The following DST variants were observed in gnomAD, a reference collection of about 807,000 sequenced individuals.
DST encodes bullous pemphigoid antigen.
A neutral mutation model predicts 875.2 loss-of-function variants in DST; 253 were observed. The observed-to-expected ratio is 0.29, with a 90% confidence interval of 0.26 to 0.32. The LOEUF is 0.32. Ranked by LOEUF, DST falls within the 10% of genes least tolerant of loss-of-function variation. DST has a pLI of 1.00. For synonymous variants in DST, 3,124 were observed against 3,197.1 expected, an observed-to-expected ratio of 0.98 and a Z score of 0.77; for missense variants, 8,287 against 9,111.6, an observed-to-expected ratio of 0.91 and a Z score of 3.68.
At chr6:56,822,527 G>T (rs551256858) in intron 4 of DST, among the ~76,000 whole-genome samples, 1 of 152,206 alleles carries the variant, frequency 6.6e-6, no homozygotes, top group African/African-American at 2.4e-5. Context: ...ATGTATATGT[G>T]TGTAAAGAAA....
chr6:56,813,391 A>T (rs1218897842), intron 4 of DST, among the ~76,000 whole-genome samples: 3 of 103,550 alleles, frequency 2.9e-5, no homozygotes, highest in Admixed American at 8.9e-5. Context: ...TAATAATAAT[A>T]AAAAAAAAAA....
Position 56,651,979 on chromosome 6 carries a change from A to G in DST, c.1215-735T>C, listed in dbSNP as rs137930261. Among the ~76,000 whole-genome samples, 50 of 152,342 alleles carry G rather than the reference A, an allele frequency of 3.3e-4. No individual in the cohort carries two copies. In the East Asian group the frequency reaches 9.4e-3, roughly 29 times the overall value. On this transcript the variant is annotated intron_variant, in intron 10 of 103. Transcript: ENST00000680361. ...TGTAATAAAGAATGATATATAGTAC[A>G]CCCTCAACAAATATCTACTGATAAG...
At chr6:56,583,633 G>A (rs1468377557) in intron 49 of DST, among the ~76,000 whole-genome samples, 6 of 152,274 alleles carry the variant, frequency 3.9e-5, no homozygotes, top group Non-Finnish European at 8.8e-5. Flanking sequence ...GGCTTTTGTT[G>A]CCATTGCTTT....
intron 22 of DST, among the ~76,000 whole-genome samples, chr6:56,637,413 T>C (rs896231227): frequency 2.0e-5 from 3 of 152,190 alleles, no homozygotes; most frequent in Non-Finnish European, 4.4e-5. Context: ...ATGTTTTCTT[T>C]CGTGGCACAT....
At chr6:56,807,253 T>C (rs766466448) in intron 4 of DST, among the ~76,000 whole-genome samples, 5 of 152,192 alleles carry the variant, frequency 3.3e-5, no homozygotes, top group Non-Finnish European at 7.3e-5. Context: ...CTTGAACTCC[T>C]GGGCTCAAGC....
At chr6:56,581,543 G>A (rs1428861183) in intron 49 of DST, among the ~76,000 whole-genome samples, 2 of 152,124 alleles carry the variant, frequency 1.3e-5, no homozygotes, top group Non-Finnish European at 2.9e-5. Context: ...ACAATGGGAA[G>A]GAGGAAAAAA....
At chr6:56,741,460 T>C (rs1183097129) in intron 4 of DST, among the ~76,000 whole-genome samples, 1 of 152,174 alleles carries the variant, frequency 6.6e-6, no homozygotes, top group Admixed American at 6.5e-5. Context: ...TACCAAAATA[T>C]GCTCTTTAAC....
intron 61 of DST, among the ~76,000 whole-genome samples, chr6:56,549,078 A>G (rs575762289): frequency 8.5e-5 from 13 of 152,340 alleles, no homozygotes; most frequent in African/African-American, 3.1e-4. Flanking sequence ...GAACTATAGA[A>G]AGAAAAACAG....
Position 56,526,355 on chromosome 6 carries a change from C to T in DST, c.18129+6G>A. 6.2e-7 allele frequency: 1 copy of T among 1,612,694 alleles called. No individual in the cohort carries two copies. ...ATTGCCTAAACAACAAACCATTTTTCCCTACCTGCTGTGATCGCAGAATGG... is the reference window on the plus strand; with the variant it reads ...ATTGCCTAAACAACAAACCATTTTTTCCTACCTGCTGTGATCGCAGAATGG... On this transcript the variant is annotated splice_donor_region_variant and intron_variant, in intron 69 of 103. Coordinates refer to ENST00000680361, the MANE Select transcript of DST (RefSeq NM_001374736.1).
intron 101 of DST, 69 bp downstream of exon 101, chr6:56,463,496 G>T: frequency 7.3e-7 from 1 of 1,373,492 alleles, no homozygotes; most frequent in South Asian, 1.4e-5. Context: ...GCCCTAAATA[G>T]AACATTCAAA....
chr6:56,486,387 AGGATTTTTTCAAAACTAACATGAC>A lies in DST; in HGVS notation c.21047+693_21047+716del, dbSNP rs1336358164. 2.9e-3 allele frequency among the ~76,000 whole-genome samples: 424 copies of A among 148,334 alleles called. 18 individuals carry two copies. The highest frequency in any genetic ancestry group is 5.0e-3 in the Non-Finnish European group (335 of 66,886). ...CAAAAAAAAAAAAAAAAAAAAAAAA[AGGATTTTTTCAAAACTAACATGAC>A]AAAAACTTACTGTGAGTTCCCCAGA... On this transcript the variant is annotated intron_variant, in intron 87 of 103. Transcript: ENST00000680361.
Position 56,476,301 on chromosome 6 carries a change from C to T in DST, c.21712G>A (p.Ala7238Thr). Reference protein sequence around the residue: ...AWAKQHQQRLASALAGLIAKQ... With the variant: ...AWAKQHQQRLTSALAGLIAKQ... ...GCAATAAGCCCAGCCAGAGCACTTG[C>T]TAATCTCTGCTGATGTTGCTTTGCC... The change falls in exon 92 of 104, where the codon GCA becomes ACA. Residue 7238 changes from alanine to threonine, a missense_variant. Ala to Thr is a moderately conservative substitution (Grantham distance 58). Around this residue, in one of 10 missense-constraint regions of DST, gnomAD observed 1,292 missense variants for 1,552.7 expected, o/e 0.83. Coordinates refer to ENST00000680361, the MANE Select transcript of DST (RefSeq NM_001374736.1). 1.9e-6 allele frequency: 3 copies of T among 1,603,796 alleles called. No individual in the cohort carries two copies. Among genetic ancestry groups the T allele is most frequent in the Middle Eastern group, 1.7e-4 (1 of 6,046 alleles).
At chr6:56,734,923 A>G (rs2099517590) in intron 5 of DST, 1 of 256,978 alleles carries the variant, frequency 3.9e-6, no homozygotes, top group Non-Finnish European at 7.3e-6. Flanking sequence ...TTTTCCATGC[A>G]CTAACATATA....
intron 64 of DST, among the ~76,000 whole-genome samples, chr6:56,530,685 A>G (rs565299069): frequency 6.6e-6 from 1 of 152,300 alleles, no homozygotes; most frequent in African/African-American, 2.4e-5. Context: ...AGCAATATTA[A>G]TATTTTATGG....
In DST at chr6:56,871,771, A is replaced by G. The variant is rs187490518; in HGVS notation, c.418-20167T>C. ...ATTCAGCGTTAAAATAAATACAATT[A>G]AAAGTAAAAAAAAAAAAAAAAAAAG... On this transcript the variant is annotated intron_variant, in intron 3 of 103. Coordinates refer to ENST00000680361, the MANE Select transcript of DST (RefSeq NM_001374736.1). 6.9e-4 allele frequency: 241 copies of G among 351,134 alleles called. 1 individual carries two copies. The highest frequency in any genetic ancestry group is 4.7e-3 in the African/African-American group (209 of 44,644). The allele number at this position is 351,134 out of a possible 1,614,324, so 21.8% of individuals were successfully genotyped here.
At chr6:56,843,876 TC>T in intron 4 of DST, 1 of 191,494 alleles carries the variant, frequency 5.2e-6, no homozygotes, top group Admixed American at 6.4e-5. Context: ...CCAGGCCCCC[TC>T]CCCAGGCCCG....
chr6:56,944,905 A>G (rs1818663868), intron 2 of DST, among the ~76,000 whole-genome samples: 2 of 152,074 alleles, frequency 1.3e-5, no homozygotes, highest in Admixed American at 1.3e-4. Context: ...AAATATTCAG[A>G]TTTTCTGATA....
Position 56,501,612 on chromosome 6 carries a change from T to C in DST, c.19648A>G (p.Thr6550Ala), listed in dbSNP as rs147983675. The C allele has an allele frequency of 1.2e-3, 2,000 of 1,609,092 alleles. 21 individuals are homozygous for C. In the African/African-American group the frequency reaches 0.024, roughly 19 times the overall value. The change falls in exon 79 of 104, where the codon ACA becomes GCA. Residue 6550 changes from threonine to alanine, a missense_variant. Physicochemically the swap from Thr to Ala is moderately conservative, Grantham distance 58. Around this residue, in one of 10 missense-constraint regions of DST, gnomAD observed 1,292 missense variants for 1,552.7 expected, o/e 0.83. Coordinates refer to ENST00000680361, the MANE Select transcript of DST (RefSeq NM_001374736.1). ...HQAELLLKKV[T>A]EESDKHTVQD... ...ACAGTGTGTTTGTCACTCTCTTCTGTTACTTTCTTTAGCAAAAGCTCTGCT... is the reference window on the plus strand; with the variant it reads ...ACAGTGTGTTTGTCACTCTCTTCTGCTACTTTCTTTAGCAAAAGCTCTGCT...
intron 10 of DST, among the ~76,000 whole-genome samples, chr6:56,653,840 C>A (rs562633543): frequency 6.6e-6 from 1 of 152,340 alleles, no homozygotes; most frequent in East Asian, 1.9e-4. Flanking sequence ...GACGCCTGTG[C>A]TGTGTGTGTC....
Sources: gnomAD v4.1 joint callset for allele counts (sites outside exome capture counted in the v4.1 genomes callset) on GRCh38, gnomAD v4.1.1 for gene constraint, gnomAD v4.1.1 regional missense constraint, MANE v1.5 for transcripts, NCBI Gene and HGNC (gene_info 2026-07-23, HGNC 2026-07-21) for gene names.